Variants in STAU2 observed in about 807,000 individuals in gnomAD.
STAU2 encodes the protein staufen double-stranded RNA binding protein 2, also known as double-stranded RNA-binding protein Staufen homolog 2.
STAU2 carries 20 observed loss-of-function variants against 65.9 expected under a neutral mutation model. That is an observed-to-expected ratio of 0.30 (90% CI 0.21 to 0.44). The LOEUF (loss-of-function observed/expected upper bound fraction) is 0.44. STAU2 is among the 20% of genes least tolerant of loss of function. STAU2 has a pLI of 1.00. For missense variants in STAU2, 558 were observed against 683.9 expected (o/e 0.82, Z 2.05); for synonymous variants, 232 against 233.9 (o/e 0.99, Z 0.07).
intron 6 of STAU2, among the ~76,000 whole-genome samples, chr8:73,636,545 C>T (rs866893089): frequency 1.2e-4 from 18 of 151,878 alleles, no homozygotes; most frequent in African/African-American, 4.4e-4. Flanking sequence ...AGAAAACTAC[C>T]CTGAAATGAC....
At chr8:73,439,423 C>T (rs1371012354) in intron 13 of STAU2, among the ~76,000 whole-genome samples, 2 of 152,188 alleles carry the variant, frequency 1.3e-5, no homozygotes, top group African/African-American at 4.8e-5. Flanking sequence ...TCGAGACCAG[C>T]CTGGCCAACA....
intron 6 of STAU2, chr8:73,651,369 A>T: frequency 1.5e-6 from 1 of 678,896 alleles, no homozygotes; most frequent in Non-Finnish European, 2.7e-6. Flanking sequence ...GGCCCTCTGG[A>T]GTGGAAGAGG....
At position 73,429,683 on chromosome 8, in the gene STAU2, C is replaced by T. The variant is rs115275103; in HGVS notation, c.1531-6981G>A. Among the ~76,000 whole-genome samples, 887 of 151,944 alleles carry T rather than the reference C, an allele frequency of 5.8e-3. 5 individuals are homozygous for T. Among genetic ancestry groups the T allele is most frequent in the African/African-American group, 0.02 (823 of 41,450 alleles). Reference sequence around the variant, plus strand: ...AACTCCCAAGCTCAAGCAACCCTCCCGCCTTGGCCTTTCAAAGTGCTGGGA... The same window carrying T: ...AACTCCCAAGCTCAAGCAACCCTCCTGCCTTGGCCTTTCAAAGTGCTGGGA... On this transcript the variant is annotated intron_variant, in intron 13 of 14. Coordinates refer to ENST00000524300, the MANE Select transcript of STAU2 (RefSeq NM_001164380.2).
chr8:73,543,352 T>C lies in STAU2; in HGVS notation c.1530+8660A>G, dbSNP rs144262932. On this transcript the variant is annotated intron_variant, in intron 13 of 14. Transcript: ENST00000524300. ...GTGGTAGTATACATTTTGGTGACTA[T>C]ATACATTTTTCAAAACTCATCAAAC... Among the ~76,000 whole-genome samples, 61 of 152,334 alleles carry C rather than the reference T, an allele frequency of 4.0e-4. 1 individual carries two copies. Among genetic ancestry groups the C allele is most frequent in the Middle Eastern group, 6.8e-3 (2 of 294 alleles).
intron 6 of STAU2, among the ~76,000 whole-genome samples, chr8:73,628,986 A>G (rs1418022511): frequency 6.6e-6 from 1 of 152,236 alleles, no homozygotes; most frequent in Admixed American, 6.5e-5. Flanking sequence ...CATCAGCGGT[A>G]TTGCAGAAAG....
chr8:73,651,502 C>A, intron 6 of STAU2: 2 of 720,714 alleles, frequency 2.8e-6, no homozygotes, highest in East Asian at 2.9e-5. Flanking sequence ...AGTCACTGCA[C>A]GCACCCCTGG....
intron 12 of STAU2, among the ~76,000 whole-genome samples, chr8:73,574,399 T>C (rs1328530728): frequency 6.6e-6 from 1 of 152,182 alleles, no homozygotes; most frequent in African/African-American, 2.4e-5. Flanking sequence ...AGCCATCCCA[T>C]TACTGGGTAT....
intron 11 of STAU2, 44 bp from the exon 12 acceptor site, chr8:73,582,874 A>C: frequency 6.4e-7 from 1 of 1,556,828 alleles, no homozygotes; most frequent in African/African-American, 1.4e-5. Flanking sequence ...AAACAAGCTT[A>C]TTCAAAAAGA....
At chr8:73,602,586 G>C (rs902734370) in intron 10 of STAU2, among the ~76,000 whole-genome samples, 33 of 151,968 alleles carry the variant, frequency 2.2e-4, no homozygotes, top group African/African-American at 7.7e-4. Flanking sequence ...GCTGGCCATG[G>C]TAGTGTATGC....
intron 6 of STAU2, among the ~76,000 whole-genome samples, chr8:73,632,263 T>TA (rs567857428): frequency 0.015 from 2,188 of 142,960 alleles, 57 homozygotes; most frequent in African/African-American, 0.05. Flanking sequence ...TTCAGTACAT[T>TA]AAAAAAAAAA....
At chr8:73,606,882 T>C (rs1181545440) in intron 9 of STAU2, among the ~76,000 whole-genome samples, 2 of 152,084 alleles carry the variant, frequency 1.3e-5, no homozygotes, top group Non-Finnish European at 2.9e-5. Flanking sequence ...AATGAAATAT[T>C]ACCTGCAAAA....
chr8:73,529,484 T>C (rs1360595910), intron 13 of STAU2, among the ~76,000 whole-genome samples: 1 of 152,170 alleles, frequency 6.6e-6, no homozygotes, highest in Non-Finnish European at 1.5e-5. Flanking sequence ...AAATATACAG[T>C]GACAGTAAAC....
At chr8:73,490,809 A>C (rs932117502) in intron 13 of STAU2, among the ~76,000 whole-genome samples, 1 of 152,018 alleles carries the variant, frequency 6.6e-6, no homozygotes, top group Non-Finnish European at 1.5e-5. Context: ...AAGAATTGAT[A>C]AATAATGCCA....
intron 6 of STAU2, among the ~76,000 whole-genome samples, chr8:73,630,382 G>C (rs949766999): frequency 6.6e-6 from 1 of 152,200 alleles, no homozygotes; most frequent in Admixed American, 6.5e-5. Flanking sequence ...GATGATATTG[G>C]TAGAGACAAT....
At chr8:73,719,313 G>A (rs1821482015) in intron 3 of STAU2, among the ~76,000 whole-genome samples, 1 of 152,098 alleles carries the variant, frequency 6.6e-6, no homozygotes, top group Non-Finnish European at 1.5e-5. Flanking sequence ...GCTGAGGCAG[G>A]AGAATGGCAC....
intron 13 of STAU2, among the ~76,000 whole-genome samples, chr8:73,481,500 C>CAAAAAAAAAAAAAA: frequency 1.7e-5 from 1 of 60,050 alleles, no homozygotes; most frequent in Non-Finnish European, 3.0e-5. Context: ...CAAAATAAGC[C>CAAAAAAAAAAAAAA]AAAAAAACAA....
At chr8:73,451,852 C>T (rs917376181) in intron 13 of STAU2, among the ~76,000 whole-genome samples, 3 of 152,176 alleles carry the variant, frequency 2.0e-5, no homozygotes, top group Admixed American at 6.5e-5. Flanking sequence ...CAACCCAAAC[C>T]GTGTCTATTT....
intron 13 of STAU2, among the ~76,000 whole-genome samples, chr8:73,533,814 T>C (rs80184778): frequency 0.094 from 14,311 of 152,196 alleles, 770 homozygotes; most frequent in Non-Finnish European, 0.13. Context: ...TTTGAAAATA[T>C]GAGGGGCCAT....
Position 73,560,533 on chromosome 8 carries a change from G to GT in STAU2, c.1223-8215dup, listed in dbSNP as rs1456928280. Among the ~76,000 whole-genome samples the GT allele has an allele frequency of 7.9e-5, 12 of 152,186 alleles. No homozygotes were observed. The East Asian group carries it at 2.3e-3, about 29-fold the overall frequency. ...TTCCTGCTACATTTAACATAATGAT[G>GT]TATGTGAAGGGTTCTTAATTTGGTG... is the stretch of plus-strand genomic sequence containing the variant. On this transcript the variant is annotated intron_variant, in intron 12 of 14. Coordinates refer to ENST00000524300, the MANE Select transcript of STAU2 (RefSeq NM_001164380.2).
Sources: gnomAD v4.1 joint callset for allele counts (sites outside exome capture counted in the v4.1 genomes callset) on GRCh38, gnomAD v4.1.1 for gene constraint, MANE v1.5 for transcripts, NCBI Gene and HGNC (gene_info 2026-07-23, HGNC 2026-07-21) for gene names.